The following KLF7 variants were observed in gnomAD, a reference collection of about 807,000 sequenced individuals.
KLF7 encodes the protein Krueppel-like factor 7.
A neutral mutation model predicts 27.3 loss-of-function variants in KLF7; 2 were observed. The ratio of observed to expected loss-of-function variants is 0.07; its 90% confidence interval spans 0.03 to 0.23. KLF7 has a LOEUF of 0.23. Ranked by LOEUF, KLF7 falls within the 10% of genes least tolerant of loss-of-function variation. The probability of loss-of-function intolerance (pLI) is 1.00; values close to 1 mark genes in which losing one functional copy is unlikely to be tolerated. For missense variants in KLF7, 221 were observed against 394.1 expected (o/e 0.56, Z 3.72); for synonymous variants, 165 against 162.4 (o/e 1.02, Z -0.12).
At chr2:207,089,583 T>C (rs944874359) in intron 2 of KLF7, among the ~76,000 whole-genome samples, 1 of 152,192 alleles carries the variant, frequency 6.6e-6, no homozygotes, top group African/African-American at 2.4e-5. Context: ...GCTGAGTTAC[T>C]GAGCCCCGTC....
At chr2:207,121,743 T>C (rs1315868229) in intron 2 of KLF7, 1 of 152,088 alleles carries the variant, frequency 6.6e-6, no homozygotes, top group Non-Finnish European at 1.5e-5. Context: ...TCACTCTGAG[T>C]AGACAATGCT....
chr2:207,082,912 G>T (rs2076307847), intron 3 of KLF7, among the ~76,000 whole-genome samples: 1 of 152,132 alleles, frequency 6.6e-6, no homozygotes, highest in South Asian at 2.1e-4. Flanking sequence ...CCTTAAATAG[G>T]CACATGTGTA....
At chr2:207,133,247 C>T (rs760596522) in intron 1 of KLF7, among the ~76,000 whole-genome samples, 1 of 152,168 alleles carries the variant, frequency 6.6e-6, no homozygotes, top group South Asian at 2.1e-4. Flanking sequence ...ATTAGATGGC[C>T]CTGCTTTGGT....
chr2:207,080,921 T>C lies in KLF7; in HGVS notation c.*292A>G. The C allele has an allele frequency of 2.4e-6, 1 of 425,198 alleles. No individual in the cohort carries two copies. The highest frequency in any genetic ancestry group is 4.0e-5 in the Admixed American group (1 of 24,852). 26.3% of individuals were successfully genotyped at this position (425,198 alleles called of 1,614,324 possible). ...ATAGTGCTGAAGTAAGCAGCCAGTC[T>C]GCCTTGCTGAGTTCACCTGGTTTCC... On this transcript the variant is annotated 3_prime_UTR_variant, in exon 4 of 4. Coordinates refer to ENST00000309446, the MANE Select transcript of KLF7 (RefSeq NM_003709.4).
chr2:207,116,493 A>C (rs530011370), intron 2 of KLF7, among the ~76,000 whole-genome samples: 46 of 152,238 alleles, frequency 3.0e-4, no homozygotes, highest in Non-Finnish European at 5.0e-4. Context: ...GGAAACATAG[A>C]AAATCCCTGC....
intron 1 of KLF7, among the ~76,000 whole-genome samples, chr2:207,129,974 A>C (rs1017390567): frequency 1.3e-5 from 2 of 152,236 alleles, no homozygotes; most frequent in African/African-American, 4.8e-5. Context: ...CCTTGAGAAC[A>C]ATATAAGACA....
chr2:207,130,808 A>G (rs975378313), intron 1 of KLF7, among the ~76,000 whole-genome samples: 4 of 152,238 alleles, frequency 2.6e-5, no homozygotes, highest in Admixed American at 2.6e-4. Context: ...TTGGGTAATT[A>G]TTGGGAGTCT....
In KLF7 at chr2:207,081,186, C is replaced by G; in HGVS notation, c.*27G>C. On this transcript the variant is annotated 3_prime_UTR_variant, in exon 4 of 4. Coordinates refer to ENST00000309446, the MANE Select transcript of KLF7 (RefSeq NM_003709.4). ...CGTTTCCTTTAGACACTAGCCGATG[C>G]CATGGCAACTCTGGCCTTTCGGTTT... is the stretch of plus-strand genomic sequence containing the variant. 2 of 1,609,624 alleles carry G rather than the reference C, an allele frequency of 1.2e-6. No homozygotes were observed. The highest frequency in any genetic ancestry group is 1.7e-6 in the Non-Finnish European group (2 of 1,175,886).
At position 207,074,587 on chromosome 2, in the gene KLF7, C is replaced by T. The variant is rs2075338; in HGVS notation, c.*6626G>A. On this transcript the variant is annotated 3_prime_UTR_variant, in exon 4 of 4. Coordinates refer to ENST00000309446, the MANE Select transcript of KLF7 (RefSeq NM_003709.4). ...ACCCATTTCCTCCCCACTCCAACCA[C>T]CTCCTGTCATTTTACTGCCCCCTAC... 128,030 of 151,960 alleles carry T rather than the reference C, an allele frequency of 0.84. 54,629 individuals are homozygous for T. The highest frequency in any genetic ancestry group is 0.92 in the African/African-American group (38,130 of 41,430). The allele number at this position is 151,960 out of a possible 1,614,324, so 9.4% of individuals were successfully genotyped here.
At chr2:207,097,405 G>C (rs1322448349) in intron 2 of KLF7, among the ~76,000 whole-genome samples, 3 of 152,142 alleles carry the variant, frequency 2.0e-5, no homozygotes, top group Non-Finnish European at 4.4e-5. Flanking sequence ...ATTCATAGTG[G>C]TGATATCAAC....
intron 1 of KLF7, among the ~76,000 whole-genome samples, chr2:207,141,356 G>A (rs1031269450): frequency 3.3e-5 from 5 of 152,146 alleles, no homozygotes; most frequent in African/African-American, 1.2e-4. Context: ...GTAGGTAGAT[G>A]CTATTTCTGA....
intron 1 of KLF7, among the ~76,000 whole-genome samples, chr2:207,143,636 G>A (rs112131736): frequency 0.037 from 5,647 of 152,228 alleles, 155 homozygotes; most frequent in Middle Eastern, 0.1. Context: ...TCAGTGGCTC[G>A]TGGAGGCTCT....
At chr2:207,171,733 T>C (rs905828510), upstream of KLF7, among the ~76,000 whole-genome samples, 1 of 152,240 alleles carries the variant, frequency 6.6e-6, no homozygotes, top group Non-Finnish European at 1.5e-5. Flanking sequence ...TACATTGTTT[T>C]TTCTTAGACA....
chr2:207,105,195 T>C (rs1395665885), intron 2 of KLF7, among the ~76,000 whole-genome samples: 1 of 152,190 alleles, frequency 6.6e-6, no homozygotes, highest in Non-Finnish European at 1.5e-5. Flanking sequence ...AAAGCAAGGA[T>C]TTCATTCTTA....
chr2:207,125,175 T>C (rs1001680908), intron 1 of KLF7, among the ~76,000 whole-genome samples: 4 of 152,162 alleles, frequency 2.6e-5, no homozygotes, highest in Admixed American at 6.5e-5. Flanking sequence ...CACTTAAAGA[T>C]AGGACCCAAT....
chr2:207,118,484 T>C (rs969874647), intron 2 of KLF7, among the ~76,000 whole-genome samples: 1 of 152,240 alleles, frequency 6.6e-6, no homozygotes, highest in African/African-American at 2.4e-5. Flanking sequence ...ACGTCTTTAA[T>C]TTCCTCTTAA....
At chr2:207,163,366 T>C (rs573497079) in intron 1 of KLF7, among the ~76,000 whole-genome samples, 1 of 152,172 alleles carries the variant, frequency 6.6e-6, no homozygotes, top group South Asian at 2.1e-4. Flanking sequence ...ATCCTTTGCC[T>C]GTAGAAACTA....
intron 1 of KLF7, among the ~76,000 whole-genome samples, chr2:207,154,710 T>C (rs971603122): frequency 6.6e-6 from 1 of 152,128 alleles, no homozygotes; most frequent in Non-Finnish European, 1.5e-5. Flanking sequence ...GTTGAGTGGA[T>C]GTTATGTGCC....
chr2:207,094,452 G>A (rs541846678), intron 2 of KLF7, among the ~76,000 whole-genome samples: 1 of 152,260 alleles, frequency 6.6e-6, no homozygotes, highest in African/African-American at 2.4e-5. Context: ...CTGCAGATCA[G>A]GAAATGGAAA....
Sources: gnomAD v4.1 joint callset for allele counts (sites outside exome capture counted in the v4.1 genomes callset) on GRCh38, gnomAD v4.1.1 for gene constraint, MANE v1.5 for transcripts, NCBI Gene and HGNC (gene_info 2026-07-23, HGNC 2026-07-21) for gene names.